Variants in CLNS1A observed in about 807,000 individuals in gnomAD.
CLNS1A encodes methylosome subunit pICln.
CLNS1A carries 16 observed loss-of-function variants against 29.4 expected under a neutral mutation model. The ratio of observed to expected loss-of-function variants is 0.54; its 90% confidence interval spans 0.37 to 0.83. The LOEUF (loss-of-function observed/expected upper bound fraction) is 0.83. Among genes scored for constraint, CLNS1A ranks in the 40% least tolerant of loss-of-function variants. CLNS1A has a pLI of 0.00. For synonymous variants in CLNS1A, 96 were observed against 104.8 expected (o/e 0.92, Z 0.51); for missense variants, 235 against 287.4 (o/e 0.82, Z 1.32).
At chr11:77,629,996 A>G (rs1959059121) in intron 1 of CLNS1A, 97 bp from the exon 2 acceptor site, 2 of 973,374 alleles carry the variant, frequency 2.1e-6, no homozygotes, top group Non-Finnish European at 1.5e-6. Flanking sequence ...CTTTATGCAT[A>G]TAAATAAATT....
Position 77,625,754 on chromosome 11 carries a change from A to T in CLNS1A, c.327T>A (p.Ile109=), listed in dbSNP as rs1445742161. Reference sequence around the variant, plus strand: ...CACTAGGCACAAATCTAAATTCAGTAATAGGTTCAACATCATCATCACTGT... The same window carrying T: ...CACTAGGCACAAATCTAAATTCAGTTATAGGTTCAACATCATCATCACTGT... The part of the protein sequence containing the change: ...EEDSDDDVEP[I]TEFRFVPSDK... Residue 109 remains isoleucine, a synonymous_variant, in exon 3 of 7, where the codon ATT becomes ATA. Coordinates refer to ENST00000525428, the MANE Select transcript of CLNS1A (RefSeq NM_001293.3). The T allele has an allele frequency of 3.7e-6, 6 of 1,612,466 alleles. No homozygotes were observed. In the Admixed American group the frequency reaches 8.3e-5, roughly 22 times the overall value.
intron 3 of CLNS1A, 30 bp from the exon 4 acceptor site, chr11:77,625,100 C>A: frequency 6.7e-7 from 1 of 1,482,960 alleles, no homozygotes; most frequent in Admixed American, 1.8e-5. Flanking sequence ...TGTAACCAAT[C>A]TTTTTTTGTA....
chr11:77,626,640 A>C (rs1287366474), intron 2 of CLNS1A, among the ~76,000 whole-genome samples: 2 of 148,766 alleles, frequency 1.3e-5, no homozygotes, highest in East Asian at 2.0e-4. Context: ...CTCCATCACA[A>C]AAAAAAAAAA....
At chr11:77,627,232 G>C (rs1455921360) in intron 2 of CLNS1A, among the ~76,000 whole-genome samples, 2 of 150,844 alleles carry the variant, frequency 1.3e-5, no homozygotes, top group Admixed American at 6.6e-5. Context: ...AGGAGATGGA[G>C]AGCATCCTGG....
intron 1 of CLNS1A, among the ~76,000 whole-genome samples, chr11:77,632,994 G>A (rs1386199646): frequency 1.3e-5 from 2 of 151,004 alleles, no homozygotes; most frequent in Admixed American, 1.3e-4. Context: ...GGCTGAGGCA[G>A]GAGAATTGGT....
intron 3 of CLNS1A, 133 bp downstream of exon 3, chr11:77,625,584 A>C (rs1418676425): frequency 1.4e-6 from 1 of 730,740 alleles, no homozygotes; most frequent in Non-Finnish European, 2.1e-6. Context: ...CAATGCTAAA[A>C]TAAAGAAAAA....
intron 2 of CLNS1A, among the ~76,000 whole-genome samples, chr11:77,627,307 C>T (rs1590799710): frequency 1.3e-5 from 2 of 150,902 alleles, no homozygotes; most frequent in South Asian, 4.2e-4. Context: ...GGCGTGGTGG[C>T]GGGAGCCTGT....
At chr11:77,631,848 C>T (rs1436513263) in intron 1 of CLNS1A, among the ~76,000 whole-genome samples, 1 of 151,912 alleles carries the variant, frequency 6.6e-6, no homozygotes, top group Non-Finnish European at 1.5e-5. Context: ...GGCGATTCTC[C>T]TGCCTCAGCC....
chr11:77,628,137 T>C (rs1959039950), intron 2 of CLNS1A, among the ~76,000 whole-genome samples: 1 of 152,208 alleles, frequency 6.6e-6, no homozygotes, highest in Non-Finnish European at 1.5e-5. Context: ...TGACAGAGTT[T>C]TCTTATTCAA....
rs150919288 is a variant in CLNS1A, at chr11:77,631,120, C to G, written c.126-1221G>C. On this transcript the variant is annotated intron_variant, in intron 1 of 6. Transcript: ENST00000525428. ...AACCTAGGACTGCCTTGGGCAGGAA[C>G]AATGACAGTGTGACAGTCTGAGATC... is the stretch of plus-strand genomic sequence containing the variant. Among the ~76,000 whole-genome samples the G allele has an allele frequency of 5.8e-4, 89 of 152,228 alleles. 1 individual carries two copies. In the East Asian group the frequency reaches 0.014, roughly 24 times the overall value.
Position 77,623,590 on chromosome 11 carries a change from TA to T in CLNS1A, c.473-918del, listed in dbSNP as rs57519585. Among the ~76,000 whole-genome samples the T allele has an allele frequency of 5.4e-3, 722 of 134,530 alleles. 4 individuals are homozygous for T. The highest frequency in any genetic ancestry group is 8.9e-3 in the African/African-American group (325 of 36,334). 88.3% of individuals were successfully genotyped at this position (134,530 alleles called of 152,430 possible). The stretch of plus-strand genomic sequence containing the variant: ...CTGGGCAACAGAGTTAGACCCTGTT[TA>T]AAAAAAAAAAAAAAATTAGAAATTC... On this transcript the variant is annotated intron_variant, in intron 4 of 6. Transcript: ENST00000525428.
intron 1 of CLNS1A, 39 bp downstream of exon 1, chr11:77,637,551 G>A (rs762854333): frequency 6.4e-7 from 1 of 1,572,896 alleles, no homozygotes; most frequent in Admixed American, 1.8e-5. Flanking sequence ...GGAGGAGGGC[G>A]GCGCGCAGGA....
At chr11:77,628,424 A>T (rs1017710413) in intron 2 of CLNS1A, among the ~76,000 whole-genome samples, 11 of 152,234 alleles carry the variant, frequency 7.2e-5, no homozygotes, top group African/African-American at 2.4e-4. Context: ...AAGTCTTACT[A>T]CACTACTACA....
chr11:77,619,961 T>G (rs2135759772), intron 5 of CLNS1A, among the ~76,000 whole-genome samples: 1 of 152,346 alleles, frequency 6.6e-6, no homozygotes, highest in South Asian at 2.1e-4. Context: ...TCAAATGCAG[T>G]ATCAATTGTT....
intron 5 of CLNS1A, among the ~76,000 whole-genome samples, chr11:77,621,704 C>G (rs1486932007): frequency 6.6e-6 from 1 of 152,160 alleles, no homozygotes; most frequent in Non-Finnish European, 1.5e-5. Flanking sequence ...GCAATGGTGT[C>G]CAGATAGTTG....
intron 3 of CLNS1A, 67 bp downstream of exon 3, chr11:77,625,650 T>C (rs1204783215): frequency 3.0e-6 from 4 of 1,325,290 alleles, no homozygotes; most frequent in Non-Finnish European, 4.2e-6. Flanking sequence ...TGTGTGTATG[T>C]GTGTGTGTGT....
intron 6 of CLNS1A, 90 bp downstream of exon 6, chr11:77,619,516 C>A: frequency 1.2e-6 from 1 of 857,044 alleles, no homozygotes. Flanking sequence ...AGAGTAAGAC[C>A]CTGTCTCAAG....
chr11:77,635,535 G>C (rs1348732291), intron 1 of CLNS1A, among the ~76,000 whole-genome samples: 2 of 151,916 alleles, frequency 1.3e-5, no homozygotes, highest in Non-Finnish European at 2.9e-5. Flanking sequence ...TATTTTAGTA[G>C]AGACAGGGTT....
intron 2 of CLNS1A, 61 bp downstream of exon 2, chr11:77,629,700 ACT>A: frequency 2.6e-6 from 4 of 1,551,772 alleles, no homozygotes; most frequent in South Asian, 2.3e-5. Flanking sequence ...GGCCTCAAAG[ACT>A]CTTTTTTAAA....
Sources: allele counts gnomAD v4.1 joint callset (sites outside exome capture counted in the v4.1 genomes callset), GRCh38; gene constraint gnomAD v4.1.1; transcripts MANE v1.5; gene names NCBI Gene and HGNC (gene_info 2026-07-23, HGNC 2026-07-21).